The following HSD17B3 variants were observed in gnomAD, a reference collection of about 807,000 sequenced individuals.
HSD17B3 encodes the protein 17-beta-hydroxysteroid dehydrogenase type 3.
A neutral mutation model predicts 41.1 loss-of-function variants in HSD17B3; 29 were observed. The ratio of observed to expected loss-of-function variants is 0.71; its 90% CI spans 0.53 to 0.96. The LOEUF is 0.96. Ranked by LOEUF, HSD17B3 falls within the 40% of genes least tolerant of loss-of-function variation. The probability of loss-of-function intolerance (pLI) is 0.00; values close to 1 mark genes in which losing one functional copy is unlikely to be tolerated. For synonymous variants in HSD17B3, 126 were observed against 145.6 expected, an observed-to-expected ratio of 0.87 and a Z score of 0.97; for missense variants, 323 against 374.6, an observed-to-expected ratio of 0.86 and a Z score of 1.14.
At position 96,253,005 on chromosome 9, in the gene HSD17B3, A is replaced by T. The variant is rs2130730520; in HGVS notation, c.278-95T>A. On this transcript the variant is annotated intron_variant, in intron 3 of 10. Transcript: ENST00000375263. ...CAGTGCTCCTGTATTACCTGAGCAG[A>T]CATTGAAGAGGACAGCCCATTGCCC... 4.9e-6 allele frequency: 4 copies of T among 811,270 alleles called. No homozygotes were observed. In the South Asian group the frequency reaches 5.3e-5, roughly 11 times the overall value. 50.3% of individuals were successfully genotyped at this position (811,270 alleles called of 1,614,324 possible).
In HSD17B3 at chr9:96,261,500, C is replaced by T. The variant is rs562946709; in HGVS notation, c.202-6557G>A. On this transcript the variant is annotated intron_variant, in intron 2 of 10. Transcript: ENST00000375263. ...ATGAGCCACTGCACTTGGCCCAAAA[C>T]TTCTATCTCAAAGCACAGAGACCTT... Among the ~76,000 whole-genome samples, 11 of 152,308 alleles carry T rather than the reference C, an allele frequency of 7.2e-5. No individual in the cohort carries two copies. The South Asian group carries it at 2.3e-3, about 32-fold the overall frequency.
chr9:96,283,688 G>A (rs937012634), intron 2 of HSD17B3, among the ~76,000 whole-genome samples: 1 of 151,924 alleles, frequency 6.6e-6, no homozygotes, highest in Non-Finnish European at 1.5e-5. Context: ...GTTTTTTACT[G>A]TGGCTGTCCT....
intron 2 of HSD17B3, among the ~76,000 whole-genome samples, chr9:96,276,282 A>G (rs981742541): frequency 2.0e-5 from 3 of 152,146 alleles, no homozygotes; most frequent in African/African-American, 7.2e-5. Context: ...GTCTGTGTTC[A>G]TGGATTAGAA....
chr9:96,264,280 G>A (rs1250311183), intron 2 of HSD17B3, among the ~76,000 whole-genome samples: 1 of 151,508 alleles, frequency 6.6e-6, no homozygotes, highest in African/African-American at 2.4e-5. Flanking sequence ...ACAAAAAGAT[G>A]CATATCAAAC....
chr9:96,244,151 C>A lies in HSD17B3; in HGVS notation c.672+178G>T. 9.9e-6 allele frequency: 7 copies of A among 706,562 alleles called. No homozygotes were observed. In the South Asian group the frequency reaches 1.1e-4, roughly 11 times the overall value. The allele number at this position is 706,562 out of a possible 1,614,324, so 43.8% of individuals were successfully genotyped here. A position where few individuals can be genotyped will look rare whatever the true frequency, so the allele number is the denominator to read the frequency against. ...GCCACAGCAGCAGGTGGGACTGAGG[C>A]GCCCCAAAAGCCCACGTGGCATCCC... is the stretch of plus-strand genomic sequence containing the variant. On this transcript the variant is annotated intron_variant, in intron 9 of 10. Transcript: ENST00000375263.
Position 96,254,861 on chromosome 9 carries a change from C to G in HSD17B3, c.277+7G>C, listed in dbSNP as rs1351300944. The G allele has an allele frequency of 6.2e-6, 10 of 1,612,656 alleles. No individual in the cohort carries two copies. The highest frequency in any genetic ancestry group is 1.1e-5 in the South Asian group (1 of 90,986). On this transcript the variant is annotated splice_region_variant and intron_variant, in intron 3 of 10. Coordinates refer to ENST00000375263, the MANE Select transcript of HSD17B3 (RefSeq NM_000197.2). ...CACACATCTCCCTTATTTGGGGGGT[C>G]ACTCACCGATCTCTGTGGCAATGGC...
At chr9:96,259,068 A>G (rs1183904002) in intron 2 of HSD17B3, among the ~76,000 whole-genome samples, 1 of 152,178 alleles carries the variant, frequency 6.6e-6, no homozygotes, top group Non-Finnish European at 1.5e-5. Flanking sequence ...ACTCTGGAGA[A>G]GATATGCCCC....
chr9:96,253,545 G>T (rs1284404568), intron 3 of HSD17B3, among the ~76,000 whole-genome samples: 1 of 152,162 alleles, frequency 6.6e-6, no homozygotes, highest in East Asian at 1.9e-4. Context: ...GAAAATGAAG[G>T]CTCAGAGAAG....
intron 2 of HSD17B3, among the ~76,000 whole-genome samples, chr9:96,260,369 G>A (rs1299814130): frequency 1.3e-5 from 2 of 152,138 alleles, no homozygotes; most frequent in Non-Finnish European, 2.9e-5. Flanking sequence ...TGCAAAAATT[G>A]TAACAGTGAG....
At chr9:96,290,479 T>TTC (rs67908056) in intron 2 of HSD17B3, among the ~76,000 whole-genome samples, 10 of 146,428 alleles carry the variant, frequency 6.8e-5, no homozygotes, top group Admixed American at 1.4e-4. Context: ...TTTTTTTTTT[T>TTC]CCACATATCC....
At chr9:96,301,840 C>T (rs1827624715) in intron 1 of HSD17B3, 111 bp downstream of exon 1, 4 of 1,192,776 alleles carry the variant, frequency 3.4e-6, no homozygotes, top group African/African-American at 1.5e-5. Context: ...AAGATCGCGC[C>T]ATTGCACTCC....
At chr9:96,298,640 G>A (rs544906705) in intron 1 of HSD17B3, among the ~76,000 whole-genome samples, 178 bp from the exon 2 acceptor site, 6 of 152,320 alleles carry the variant, frequency 3.9e-5, no homozygotes, top group East Asian at 1.9e-4. Context: ...TGAAAGGATT[G>A]TTTGGTTGGT....
At chr9:96,244,494 T>C (rs986490173) in intron 8 of HSD17B3, 100 bp from the exon 9 acceptor site, 34 of 1,073,140 alleles carry the variant, frequency 3.2e-5, no homozygotes, top group African/African-American at 3.1e-4. Flanking sequence ...CACTACCTGC[T>C]AGACCTTAAA....
intron 2 of HSD17B3, among the ~76,000 whole-genome samples, 163 bp downstream of exon 2, chr9:96,298,250 CAGG>C (rs1827439599): frequency 6.6e-6 from 1 of 152,020 alleles, no homozygotes. Context: ...AAAAGAGATC[CAGG>C]GAGTGAGATT....
intron 6 of HSD17B3, 59 bp downstream of exon 6, chr9:96,249,692 G>T: frequency 1.3e-6 from 2 of 1,517,392 alleles, no homozygotes; most frequent in Non-Finnish European, 9.1e-7. Context: ...ATTCTCCTGA[G>T]TTGCCAAATT....
intron 5 of HSD17B3, chr9:96,250,064 T>C: frequency 7.1e-7 from 1 of 1,401,344 alleles, no homozygotes; most frequent in South Asian, 1.6e-5. Context: ...TGGAGGAATA[T>C]AAATACGGTT....
At chr9:96,254,766 T>A in intron 3 of HSD17B3, 102 bp downstream of exon 3, 2 of 992,434 alleles carry the variant, frequency 2.0e-6, no homozygotes, top group Middle Eastern at 2.8e-4. Flanking sequence ...CCCCAGGCTC[T>A]GAGAGCAGAT....
intron 4 of HSD17B3, 25 bp from the exon 5 acceptor site, chr9:96,251,510 A>C: frequency 6.2e-7 from 1 of 1,604,296 alleles, no homozygotes; most frequent in South Asian, 1.1e-5. Context: ...CAAAACAAAA[A>C]TGTGTCAGAA....
At chr9:96,280,360 G>A (rs1259831241) in intron 2 of HSD17B3, among the ~76,000 whole-genome samples, 2 of 152,172 alleles carry the variant, frequency 1.3e-5, no homozygotes, top group Non-Finnish European at 2.9e-5. Flanking sequence ...CTATTCCACA[G>A]TATAAATAAT....
Sources: gnomAD v4.1 joint callset for allele counts (sites outside exome capture counted in the v4.1 genomes callset) on GRCh38, gnomAD v4.1.1 for gene constraint, MANE v1.5 for transcripts, NCBI Gene and HGNC (gene_info 2026-07-23, HGNC 2026-07-21) for gene names.